EXPH5: variants seen among roughly 807,000 people sequenced by gnomAD.
EXPH5 encodes the protein exophilin-5.
In EXPH5, 42 loss-of-function variants were observed where a neutral mutation model predicts 41.1. The observed-to-expected ratio is 1.02, with a 90% CI of 0.80 to 1.32. The LOEUF is 1.32. Among genes scored for constraint, EXPH5 ranks in the 40% most tolerant of loss-of-function variants. The pLI, the probability that EXPH5 is intolerant of heterozygous loss-of-function variation, is 0.00. For synonymous variants in EXPH5, 798 were observed against 833.5 expected, an observed-to-expected ratio of 0.96 and a Z score of 0.73; for missense variants, 2,298 against 2,314.5, an observed-to-expected ratio of 0.99 and a Z score of 0.15.
intron 3 of EXPH5, among the ~76,000 whole-genome samples, chr11:108,538,487 G>A (rs1184040112): frequency 6.6e-6 from 1 of 152,064 alleles, no homozygotes; most frequent in Non-Finnish European, 1.5e-5. Context: ...TATACATTCT[G>A]AGCAAACACA....
In EXPH5 at chr11:108,511,119, G is replaced by T. The variant is rs1316658769; in HGVS notation, c.4388C>A (p.Pro1463His). 1 of 1,613,836 alleles carries T rather than the reference G, an allele frequency of 6.2e-7. No individual in the cohort carries two copies. Among genetic ancestry groups the T allele is most frequent in the Non-Finnish European group, 8.5e-7 (1 of 1,179,892 alleles). Residue 1463 changes from proline (P) to histidine (H), a missense_variant, in exon 6 of 6, where the codon CCC becomes CAC. Coordinates refer to ENST00000265843, the MANE Select transcript of EXPH5 (RefSeq NM_015065.3). ...AGCTGTGGATGTGTGATCTTTCTGGGGACACTTGCCACTTCCAGTAAATGG... is the reference window on the plus strand; with the variant it reads ...AGCTGTGGATGTGTGATCTTTCTGGTGACACTTGCCACTTCCAGTAAATGG... ...AIPFTGSGKC[P>H]QKDHTSTAVG...
intron 3 of EXPH5, chr11:108,538,010 C>T (rs2093890165): frequency 1.0e-6 from 1 of 985,430 alleles, no homozygotes. Context: ...GCTACAGTCA[C>T]ATAAATCTAC....
chr11:108,561,369 G>GTTTTT (rs2094010977), intron 1 of EXPH5, among the ~76,000 whole-genome samples: 1 of 151,910 alleles, frequency 6.6e-6, no homozygotes, highest in Admixed American at 6.6e-5. Context: ...GTTTTGTTTT[G>GTTTTT]TTTTGTTTTA....
chr11:108,532,366 A>ATATATATATATATATATTT (rs1555192606), intron 3 of EXPH5, among the ~76,000 whole-genome samples: 1 of 32,140 alleles, frequency 3.1e-5, no homozygotes, highest in African/African-American at 2.0e-4. Flanking sequence ...ATATATATAT[A>ATATATATATATATATATTT]TTTTTTTTTT....
chr11:108,531,784 T>G (rs2093839589), intron 3 of EXPH5, among the ~76,000 whole-genome samples: 1 of 152,196 alleles, frequency 6.6e-6, no homozygotes, highest in African/African-American at 2.4e-5. Flanking sequence ...ATCCTACTTG[T>G]CCAAAACGGA....
At chr11:108,526,694 G>T (rs1210951512) in intron 4 of EXPH5, among the ~76,000 whole-genome samples, 2 of 152,234 alleles carry the variant, frequency 1.3e-5, no homozygotes, top group Non-Finnish European at 2.9e-5. Context: ...CAGAGCTGAG[G>T]AGCTGCTGGC....
chr11:108,602,496 A>T, the EXPH5 span, among the ~76,000 whole-genome samples: 1 of 151,332 alleles, frequency 6.6e-6, no homozygotes, highest in African/African-American at 2.4e-5. Flanking sequence ...CCTGGGCCAG[A>T]GGGGTTTCTC....
At chr11:108,596,169 T>A (rs533892180), upstream of EXPH5, among the ~76,000 whole-genome samples, 111 of 152,042 alleles carry the variant, frequency 7.3e-4, no homozygotes, top group Middle Eastern at 3.4e-3. Context: ...CACTCCAGCC[T>A]GGGCAACAGA....
At chr11:108,529,727 C>G (rs1489047798) in intron 3 of EXPH5, among the ~76,000 whole-genome samples, 1 of 151,798 alleles carries the variant, frequency 6.6e-6, no homozygotes, top group Non-Finnish European at 1.5e-5. Context: ...GCCTGTAATC[C>G]TAGCTACAAA....
intron 1 of EXPH5, among the ~76,000 whole-genome samples, chr11:108,577,801 T>C (rs1229431792): frequency 6.6e-6 from 1 of 152,234 alleles, no homozygotes; most frequent in African/African-American, 2.4e-5. Context: ...ATTAGTGATG[T>C]TTAGCATTTT....
At chr11:108,520,565 CATTT>C (rs1016689922) in intron 4 of EXPH5, among the ~76,000 whole-genome samples, 1 of 87,188 alleles carries the variant, frequency 1.1e-5, no homozygotes, top group East Asian at 2.8e-4. Flanking sequence ...TTTATTTATT[CATTT>C]ATTTATTTAT....
chr11:108,564,896 T>C (rs906454232), intron 1 of EXPH5, among the ~76,000 whole-genome samples: 1 of 142,964 alleles, frequency 7.0e-6, no homozygotes, highest in African/African-American at 2.5e-5. Context: ...TTATTGGATA[T>C]GTGTAGCTTT....
chr11:108,593,919 A>T (rs1474708110), upstream of EXPH5, among the ~76,000 whole-genome samples: 1 of 129,608 alleles, frequency 7.7e-6, no homozygotes, highest in Non-Finnish European at 1.5e-5. Context: ...CTGAGTTGTT[A>T]AGCAAACAAG....
chr11:108,547,430 G>A (rs2093943647), intron 1 of EXPH5, among the ~76,000 whole-genome samples: 1 of 151,934 alleles, frequency 6.6e-6, no homozygotes, highest in Non-Finnish European at 1.5e-5. Context: ...GCCCAGGCTG[G>A]TCTCTCACTC....
chr11:108,526,255 G>C (rs2093798088), intron 4 of EXPH5, among the ~76,000 whole-genome samples: 1 of 151,978 alleles, frequency 6.6e-6, no homozygotes, highest in South Asian at 2.1e-4. Flanking sequence ...CTATTCATGG[G>C]GAGCAACAGT....
intron 1 of EXPH5, 23 bp from the exon 2 acceptor site, chr11:108,541,835 T>C: frequency 1.3e-6 from 2 of 1,548,518 alleles, no homozygotes; most frequent in Non-Finnish European, 1.7e-6. Flanking sequence ...AAAACATTAA[T>C]GTGGTCTTTA....
chr11:108,538,310 GA>G, intron 3 of EXPH5: 4 of 937,294 alleles, frequency 4.3e-6, no homozygotes, highest in Non-Finnish European at 3.8e-6. Flanking sequence ...AAGACATGCC[GA>G]AAATATTTAG....
At chr11:108,596,005 T>G (rs2094138406), upstream of EXPH5, among the ~76,000 whole-genome samples, 1 of 151,828 alleles carries the variant, frequency 6.6e-6, no homozygotes, top group South Asian at 2.1e-4. Context: ...ATTGAGACCA[T>G]CCTGGCTAAC....
rs79849287 is a variant in EXPH5, at chr11:108,509,122, C to T, written c.*415G>A. ...AATGTCATGAGTATAGGGTGTGGACCGGAAGAAGCAATACAGAGTTTCACA... is the reference window on the plus strand; with the variant it reads ...AATGTCATGAGTATAGGGTGTGGACTGGAAGAAGCAATACAGAGTTTCACA... On this transcript the variant is annotated 3_prime_UTR_variant, in exon 6 of 6. Transcript: ENST00000265843. The T allele has an allele frequency of 5.4e-3, 854 of 158,950 alleles. 7 individuals carry two copies. The highest frequency in any genetic ancestry group is 0.019 in the African/African-American group (809 of 41,582). The allele number at this position is 158,950 out of a possible 1,614,324, so 9.8% of individuals were successfully genotyped here. A position where few individuals can be genotyped will look rare whatever the true frequency, so the allele number is the denominator to read the frequency against.
Sources: gnomAD v4.1 joint callset for allele counts (sites outside exome capture counted in the v4.1 genomes callset) on GRCh38, gnomAD v4.1.1 for gene constraint, MANE v1.5 for transcripts, NCBI Gene and HGNC (gene_info 2026-07-23, HGNC 2026-07-21) for gene names.